FUT8: variants seen among roughly 807,000 people sequenced by gnomAD.
The protein encoded by FUT8 is fucosyltransferase 8, also known as alpha-(1,6)-fucosyltransferase.
In FUT8, 29 loss-of-function variants were observed where a neutral mutation model predicts 71.3. That is an observed-to-expected ratio of 0.41 (90% CI 0.30 to 0.55). FUT8 has a LOEUF of 0.55. Among genes scored for constraint, FUT8 ranks in the 20% least tolerant of loss-of-function variants. The pLI, the probability that FUT8 is intolerant of heterozygous loss-of-function variation, is 0.34. For synonymous variants in FUT8, 254 were observed against 239.3 expected, an observed-to-expected ratio of 1.06 and a Z score of -0.57; for missense variants, 544 against 702.1, an observed-to-expected ratio of 0.77 and a Z score of 2.55.
chr14:65,482,413 C>T (rs1241936475), intron 2 of FUT8, among the ~76,000 whole-genome samples: 1 of 152,044 alleles, frequency 6.6e-6, no homozygotes, highest in Non-Finnish European at 1.5e-5. Flanking sequence ...AAGCAACACC[C>T]TCCAAATTCC....
chr14:65,628,171 G>A (rs534974617), intron 5 of FUT8, among the ~76,000 whole-genome samples: 13 of 152,284 alleles, frequency 8.5e-5, no homozygotes, highest in African/African-American at 3.1e-4. Context: ...AAGCTCTGGA[G>A]TAGGAATATA....
chr14:65,627,952 GTC>G lies in FUT8; in HGVS notation c.483-1538_483-1537del, dbSNP rs1889986683. The stretch of plus-strand genomic sequence containing the variant: ...GGGGTGCCTTCTTCTGCCCTCTTAA[GTC>G]TGCCTAGCTACCTACTCAAACAGGA... On this transcript the variant is annotated intron_variant, in intron 5 of 10. Coordinates refer to ENST00000673929, the MANE Select transcript of FUT8 (RefSeq NM_001371533.1). This position sits in a 1 kb window ranked among gnomAD's most constrained non-coding sequence, Gnocchi z 4.0. Among the ~76,000 whole-genome samples, 2 of 152,116 alleles carry G rather than the reference GTC, an allele frequency of 1.3e-5. No homozygotes were observed. Among genetic ancestry groups the G allele is most frequent in the Admixed American group, 1.3e-4 (2 of 15,280 alleles).
At chr14:65,503,723 G>T (rs1251084022) in intron 2 of FUT8, among the ~76,000 whole-genome samples, 1 of 152,004 alleles carries the variant, frequency 6.6e-6, no homozygotes, top group African/African-American at 2.4e-5. Context: ...TTTGTCTGTT[G>T]ATACTATGTG....
chr14:65,634,561 TAAAAAAA>T (rs35052434), intron 6 of FUT8, among the ~76,000 whole-genome samples: 151 of 124,018 alleles, frequency 1.2e-3, no homozygotes, highest in African/African-American at 4.3e-3. Context: ...AATGATCAAT[TAAAAAAA>T]AAAAAAAAAA....
intron 2 of FUT8, among the ~76,000 whole-genome samples, chr14:65,546,963 T>G (rs1885018595): frequency 6.6e-6 from 1 of 151,760 alleles, no homozygotes; most frequent in South Asian, 2.1e-4. Context: ...AGTAGTTTGT[T>G]TCTTTTAGGA....
rs541545627 is a variant in FUT8, at chr14:65,489,117, T to A, written c.-228+33399T>A. ...CCATCAATGATTAGAAAGTTATGAT[T>A]TTTTGTTGTTCAGCAAATTATCATG... On this transcript the variant is annotated intron_variant, in intron 2 of 10. Transcript: ENST00000673929. The surrounding 1 kb of genome is among the most constrained non-coding windows in gnomAD (Gnocchi z 4.0). Among the ~76,000 whole-genome samples the A allele has an allele frequency of 1.3e-5, 2 of 152,312 alleles. No individual in the cohort carries two copies. Among genetic ancestry groups the A allele is most frequent in the East Asian group, 3.9e-4 (2 of 5,190 alleles).
intron 1 of FUT8, among the ~76,000 whole-genome samples, chr14:65,428,709 G>C (rs745442472): frequency 2.0e-5 from 3 of 151,198 alleles, no homozygotes; most frequent in Non-Finnish European, 4.4e-5. Context: ...CTTAAATGCT[G>C]AGTTAATAAA....
chr14:65,445,932 A>G (rs1006296843), intron 1 of FUT8, among the ~76,000 whole-genome samples: 1 of 152,202 alleles, frequency 6.6e-6, no homozygotes, highest in Non-Finnish European at 1.5e-5. Context: ...CCAGCTAGAA[A>G]ACCTTTCATA....
At chr14:65,687,087 G>C (rs770662023) in intron 7 of FUT8, among the ~76,000 whole-genome samples, 4 of 151,856 alleles carry the variant, frequency 2.6e-5, no homozygotes, top group Admixed American at 1.3e-4. Context: ...ATCATTCCAG[G>C]ACTAGCCCTC....
At chr14:65,628,007 G>A (rs1889988652) in intron 5 of FUT8, among the ~76,000 whole-genome samples, 1 of 152,176 alleles carries the variant, frequency 6.6e-6, no homozygotes, top group African/African-American at 2.4e-5. Flanking sequence ...GGTTGAGGGT[G>A]ATAGGCGGGA....
chr14:65,672,971 C>G (rs1892540810), intron 7 of FUT8, among the ~76,000 whole-genome samples: 1 of 152,174 alleles, frequency 6.6e-6, no homozygotes, highest in Non-Finnish European at 1.5e-5. Flanking sequence ...ACTACCTAGG[C>G]TGTTCTGTCT....
chr14:65,480,899 A>G (rs950774551), intron 2 of FUT8, among the ~76,000 whole-genome samples: 1 of 151,996 alleles, frequency 6.6e-6, no homozygotes, highest in Non-Finnish European at 1.5e-5. Flanking sequence ...CATGTTGGCT[A>G]GGCTGGTCTC....
At chr14:65,536,998 A>G in intron 2 of FUT8, among the ~76,000 whole-genome samples, 1 of 75,594 alleles carries the variant, frequency 1.3e-5, no homozygotes, top group East Asian at 3.6e-4. Flanking sequence ...TGACTGTCTT[A>G]TTTCAGAAAG....
intron 3 of FUT8, among the ~76,000 whole-genome samples, chr14:65,612,972 T>C (rs1398680940): frequency 6.6e-6 from 1 of 152,182 alleles, no homozygotes; most frequent in African/African-American, 2.4e-5. Context: ...GACTCTTTTC[T>C]GGATGGAGTT....
At chr14:65,592,627 A>G (rs1887753178) in intron 3 of FUT8, among the ~76,000 whole-genome samples, 1 of 152,172 alleles carries the variant, frequency 6.6e-6, no homozygotes, top group South Asian at 2.1e-4. Context: ...ATACTAAAAG[A>G]TATTTCATTC....
At chr14:65,545,871 T>C (rs549832442) in intron 2 of FUT8, among the ~76,000 whole-genome samples, 40 of 151,960 alleles carry the variant, frequency 2.6e-4, no homozygotes, top group African/African-American at 9.4e-4. Flanking sequence ...CACTTTAACA[T>C]TTGGAAAGTT....
chr14:65,575,065 G>GTATTT (rs1027913555), intron 3 of FUT8, among the ~76,000 whole-genome samples: 17 of 151,054 alleles, frequency 1.1e-4, no homozygotes, highest in East Asian at 5.8e-4. Context: ...CTTCATTCCT[G>GTATTT]TATTTTATTT....
At chr14:65,565,577 G>A (rs960407180) in intron 3 of FUT8, among the ~76,000 whole-genome samples, 1 of 151,852 alleles carries the variant, frequency 6.6e-6, no homozygotes, top group Non-Finnish European at 1.5e-5. Flanking sequence ...TTTATAAGAA[G>A]CAACCCAGTT....
At chr14:65,712,155 G>T (rs1254138055) in intron 7 of FUT8, among the ~76,000 whole-genome samples, 2 of 151,996 alleles carry the variant, frequency 1.3e-5, no homozygotes, top group South Asian at 4.1e-4. Context: ...TACATTTTAT[G>T]GTAGTGAAAT....
Sources: allele counts gnomAD v4.1 joint callset (sites outside exome capture counted in the v4.1 genomes callset), GRCh38; gene constraint gnomAD v4.1.1; non-coding constraint Gnocchi (gnomAD v3.1); transcripts MANE v1.5; gene names NCBI Gene and HGNC (gene_info 2026-07-23, HGNC 2026-07-21).